Variants in ALG3 observed in about 807,000 individuals in gnomAD.
The protein encoded by ALG3 is ALG3 alpha-1,3- mannosyltransferase.
A neutral mutation model predicts 50.5 loss-of-function variants in ALG3; 39 were observed. The observed-to-expected ratio is 0.77, with a 90% confidence interval of 0.60 to 1.01. The LOEUF (loss-of-function observed/expected upper bound fraction) is 1.01, where lower values mean the gene tolerates loss of function less well. Among genes scored for constraint, ALG3 ranks in the 50% least tolerant of loss-of-function variants. The probability of loss-of-function intolerance (pLI) is 0.00; values close to 1 mark genes in which losing one functional copy is unlikely to be tolerated. For missense variants in ALG3, 520 were observed against 554.8 expected (o/e 0.94, Z 0.63); for synonymous variants, 252 against 237.2 (o/e 1.06, Z -0.58).
intron 1 of ALG3, among the ~76,000 whole-genome samples, chr3:184,246,621 T>G (rs990154790): frequency 6.6e-6 from 1 of 152,030 alleles, no homozygotes; most frequent in South Asian, 2.1e-4. Flanking sequence ...CTTCACTTGA[T>G]TTCTACACTC....
In ALG3 at chr3:184,244,682, G is replaced by C; in HGVS notation, c.645C>G (p.Ala215=). The C allele has an allele frequency of 6.2e-7, 1 of 1,610,648 alleles. No individual in the cohort carries two copies. Among genetic ancestry groups the C allele is most frequent in the Non-Finnish European group, 8.5e-7 (1 of 1,178,684 alleles). The change falls in exon 5 of 9, where the codon GCC becomes GCG. Residue 215 remains alanine, a synonymous_variant. Transcript: ENST00000397676. ...TGAGGAGAAGAAACAGTAACCCAGG[G>C]GCGAAGAGCAGCACATTCATCTTCA... ...VSVKMNVLLF[A]PGLLFLLLTQ...
intron 1 of ALG3, among the ~76,000 whole-genome samples, chr3:184,246,674 TGTCTTC>T (rs1719166075): frequency 1.3e-5 from 2 of 150,764 alleles, no homozygotes; most frequent in African/African-American, 4.9e-5. Context: ...GGAACCAGGC[TGTCTTC>T]TTTTTTTTTT....
intron 7 of ALG3, 88 bp downstream of exon 7, chr3:184,243,466 A>AG: frequency 3.1e-6 from 4 of 1,297,836 alleles, no homozygotes; most frequent in Non-Finnish European, 4.4e-6. Flanking sequence ...TTCCTCGCCC[A>AG]GGTCACCAGC....
In ALG3 at chr3:184,243,883, T is replaced by A; in HGVS notation, c.840A>T (p.Pro280=). 1 of 1,613,848 alleles carries A rather than the reference T, an allele frequency of 6.2e-7. No homozygotes were observed. Among genetic ancestry groups the A allele is most frequent in the Non-Finnish European group, 8.5e-7 (1 of 1,179,860 alleles). The change falls in exon 6 of 9, where the codon CCA becomes CCT. Residue 280 remains proline (P), a synonymous_variant. Transcript: ENST00000397676. ...FHWTVNWRFL[P]EALFLHRAFH... Reference sequence around the variant, plus strand: ...AGGCTCGATGCAGGAAGAGCGCCTCTGGGAGGAAGCGCCAGTTCACTGTCC... The same window carrying A: ...AGGCTCGATGCAGGAAGAGCGCCTCAGGGAGGAAGCGCCAGTTCACTGTCC...
chr3:184,244,174 C>A (rs995114422), intron 5 of ALG3, among the ~76,000 whole-genome samples, 178 bp from the exon 6 acceptor site: 25 of 152,162 alleles, frequency 1.6e-4, no homozygotes, highest in African/African-American at 5.8e-4. Context: ...TGCCTGGGGC[C>A]AAAGAAGCTC....
At chr3:184,248,395 G>A (rs948148009) in intron 1 of ALG3, among the ~76,000 whole-genome samples, 1 of 152,138 alleles carries the variant, frequency 6.6e-6, no homozygotes, top group Non-Finnish European at 1.5e-5. Flanking sequence ...CTGAACACAT[G>A]GAAAAAGCTG....
intron 4 of ALG3, 151 bp from the exon 5 acceptor site, chr3:184,244,872 G>T: frequency 1.7e-6 from 2 of 1,158,190 alleles, no homozygotes; most frequent in Non-Finnish European, 2.4e-6. Flanking sequence ...CACAACTGTT[G>T]GAGGGAAGAG....
At chr3:184,248,708 T>TACCAA in intron 1 of ALG3, 37 bp downstream of exon 1, 2 of 1,442,380 alleles carry the variant, frequency 1.4e-6, no homozygotes, top group Non-Finnish European at 1.9e-6. Flanking sequence ...GGTTCAGGTC[T>TACCAA]CCCTCCCTCC....
At position 184,243,567 on chromosome 3, in the gene ALG3, G is replaced by C; in HGVS notation, c.996C>G (p.Pro332=). The C allele has an allele frequency of 1.9e-6, 3 of 1,613,870 alleles. No homozygotes were observed. Among genetic ancestry groups the C allele is most frequent in the Non-Finnish European group, 2.5e-6 (3 of 1,179,846 alleles). Residue 332 remains proline (P), a synonymous_variant, in exon 7 of 9, where the codon CCC becomes CCG. Transcript: ENST00000397676. ...TTTAAAGGATATGGTTGGGTGTAAG[G>C]GGCTGGGGTGGAACCTTCCTTTTGG... ...DPSKRKVPPQ[P]LTPNQIVSTL...
chr3:184,244,613 A>T lies in ALG3; in HGVS notation c.714T>A (p.Cys238Ter). The stretch of plus-strand genomic sequence containing the variant: ...GAGATGGGGGTACCTGAAGGCCAGC[A>T]CAGATTCCCAGCTTGGGGAGGGCCC... Reference protein sequence around the residue: ...FRGALPKLGICAGLQVVLGLP... With the variant: ...FRGALPKLGI The change falls in exon 5 of 9, where the codon TGT becomes TGA. Residue 238 changes from cysteine to a stop codon, truncating the protein, a stop_gained. Transcript: ENST00000397676. LOFTEE classifies it high-confidence loss of function. The T allele has an allele frequency of 6.2e-7, 1 of 1,610,084 alleles. No homozygotes were observed. Among genetic ancestry groups the T allele is most frequent in the Non-Finnish European group, 8.5e-7 (1 of 1,178,274 alleles).
At chr3:184,244,931 C>T (rs1719047324) in intron 4 of ALG3, 2 of 734,068 alleles carry the variant, frequency 2.7e-6, no homozygotes, top group African/African-American at 1.8e-5. Flanking sequence ...CTACTAGATG[C>T]GAATGAGCAT....
upstream of ALG3, chr3:184,249,421 T>C (rs1297216981): frequency 3.0e-6 from 3 of 997,558 alleles, no homozygotes; most frequent in Non-Finnish European, 4.4e-6. Flanking sequence ...ATTGAAAATA[T>C]GAGAGGACGC....
At chr3:184,249,021 G>C, upstream of ALG3, 2 of 1,537,392 alleles carry the variant, frequency 1.3e-6, no homozygotes, top group Non-Finnish European at 1.8e-6. Context: ...TCCCGTGCCT[G>C]GCGTCCCACC....
At chr3:184,244,860 C>G (rs930360939) in intron 4 of ALG3, 139 bp from the exon 5 acceptor site, 14 of 1,247,454 alleles carry the variant, frequency 1.1e-5, no homozygotes, top group African/African-American at 3.0e-5. Context: ...GGGACCTACA[C>G]TCACAACTGT....
intron 6 of ALG3, 80 bp downstream of exon 6, chr3:184,243,711 C>G (rs1246364586): frequency 2.4e-5 from 38 of 1,596,042 alleles, no homozygotes; most frequent in Non-Finnish European, 2.7e-5. Flanking sequence ...TTAACTGACA[C>G]TTCCCCCAAG....
At chr3:184,243,686 A>G in intron 6 of ALG3, 56 bp from the exon 7 acceptor site, 1 of 1,605,622 alleles carries the variant, frequency 6.2e-7, no homozygotes, top group East Asian at 2.2e-5. Flanking sequence ...CAAACTCTAG[A>G]CTCACCCCAT....
At chr3:184,243,415 C>T in intron 7 of ALG3, 139 bp downstream of exon 7, 2 of 732,290 alleles carry the variant, frequency 2.7e-6, no homozygotes, top group Non-Finnish European at 4.8e-6. Context: ...AAGTGCTCAG[C>T]ACAGTGGTGC....
intron 1 of ALG3, among the ~76,000 whole-genome samples, chr3:184,246,884 C>T (rs1419072125): frequency 1.3e-5 from 2 of 151,692 alleles, no homozygotes; most frequent in East Asian, 1.9e-4. Context: ...GGGGTTTCAC[C>T]GTGTTGGCCA....
In ALG3 at chr3:184,248,790, G is replaced by C; in HGVS notation, c.151C>G (p.Leu51Val). 2 of 1,471,912 alleles carry C rather than the reference G, an allele frequency of 1.4e-6. No individual in the cohort carries two copies. The highest frequency in any genetic ancestry group is 1.8e-6 in the Non-Finnish European group (2 of 1,091,872). 91.2% of individuals were successfully genotyped at this position (1,471,912 alleles called of 1,614,324 possible). ...YTLLVAACLC[L>V]AEVGITFWVI... ...CAGAAGGTGATGCCCACCTCCGCCA[G>C]GCAGAGGCAGGCGGCCACCAGCAGC... The change falls in exon 1 of 9, where the codon CTG (leucine) becomes GTG (valine). Residue 51 changes from leucine (L) to valine (V), a missense_variant. This residue lies in a region of ALG3 where 290 missense variants were observed against 265.9 expected (regional missense o/e 1.09). Transcript: ENST00000397676.
Sources: allele counts gnomAD v4.1 joint callset (sites outside exome capture counted in the v4.1 genomes callset), GRCh38; gene constraint gnomAD v4.1.1; regional missense constraint gnomAD v4.1.1; transcripts MANE v1.5; gene names NCBI Gene and HGNC (gene_info 2026-07-23, HGNC 2026-07-21).